The following PCMTD1 variants were observed in gnomAD, a reference collection of about 807,000 sequenced individuals.
PCMTD1 encodes the protein protein-L-isoaspartate O-methyltransferase domain-containing protein 1.
Under a neutral mutation model 37.6 loss-of-function variants are expected in PCMTD1, and 12 were observed. The observed-to-expected ratio is 0.32, with a 90% confidence interval of 0.20 to 0.52. PCMTD1 has a LOEUF of 0.52. Ranked by LOEUF, PCMTD1 falls within the 20% of genes least tolerant of loss-of-function variation. The pLI, the probability that PCMTD1 is intolerant of heterozygous loss-of-function variation, is 0.97. For missense variants in PCMTD1, 235 were observed against 421.3 expected, an observed-to-expected ratio of 0.56 and a Z score of 3.87; for synonymous variants, 117 against 135.8, an observed-to-expected ratio of 0.86 and a Z score of 0.96.
chr8:51,841,105 A>G (rs1585801345), intron 3 of PCMTD1, among the ~76,000 whole-genome samples: 1 of 152,286 alleles, frequency 6.6e-6, no homozygotes, highest in South Asian at 2.1e-4. Context: ...AAACAGAACT[A>G]AGTAAGAAGA....
chr8:51,899,049 C>T (rs1245045935), upstream of PCMTD1: 4 of 1,504,690 alleles, frequency 2.7e-6, no homozygotes, highest in Admixed American at 6.3e-5. Flanking sequence ...AGAGGCGGGG[C>T]CCGGACCCGC....
chr8:51,850,696 G>T (rs756909377), intron 2 of PCMTD1, among the ~76,000 whole-genome samples: 1 of 152,260 alleles, frequency 6.6e-6, no homozygotes, highest in South Asian at 2.1e-4. Flanking sequence ...CCACAAGGGG[G>T]AGTAGGTGGA....
upstream of PCMTD1, chr8:51,899,076 G>A (rs535779054): frequency 2.5e-4 from 376 of 1,499,068 alleles, 1 homozygote; most frequent in African/African-American, 4.8e-3. Flanking sequence ...AGCAGCCAGA[G>A]CCTCCCGGAC....
At chr8:51,890,982 T>C (rs904621824) in intron 1 of PCMTD1, among the ~76,000 whole-genome samples, 8 of 152,304 alleles carry the variant, frequency 5.3e-5, no homozygotes, top group African/African-American at 1.9e-4. Flanking sequence ...TTAAAAACCA[T>C]ACGAGCCTCA....
Position 51,854,902 on chromosome 8 carries a change from T to C in PCMTD1, c.307+5943A>G, listed in dbSNP as rs1345488803. ...TCAAAAAAAAAAAAAAGGCTAGGCG[T>C]GGTGGCTCACGCCTGTAATCCAAGC... On this transcript the variant is annotated intron_variant, in intron 2 of 5. Coordinates refer to ENST00000522514, the MANE Select transcript of PCMTD1 (RefSeq NM_052937.4). Among the ~76,000 whole-genome samples, 5 of 141,592 alleles carry C rather than the reference T, an allele frequency of 3.5e-5. No homozygotes were observed. In the East Asian group the frequency reaches 8.5e-4, roughly 24 times the overall value. The allele number at this position is 141,592 out of a possible 152,430, so 92.9% of individuals were successfully genotyped here. A position where few individuals can be genotyped will look rare whatever the true frequency, so the allele number is the denominator to read the frequency against.
intron 1 of PCMTD1, among the ~76,000 whole-genome samples, chr8:51,870,769 A>G (rs891743540): frequency 5.3e-5 from 8 of 152,202 alleles, no homozygotes; most frequent in African/African-American, 1.9e-4. Flanking sequence ...TAAACTTTTC[A>G]TTAACTTTTA....
intron 1 of PCMTD1, among the ~76,000 whole-genome samples, chr8:51,883,318 A>C (rs1304085681): frequency 1.3e-5 from 2 of 152,184 alleles, no homozygotes; most frequent in Non-Finnish European, 2.9e-5. Context: ...AGTAGCAAAG[A>C]CTGTAGTACA....
At chr8:51,861,947 C>T (rs2038476926) in intron 1 of PCMTD1, among the ~76,000 whole-genome samples, 1 of 152,072 alleles carries the variant, frequency 6.6e-6, no homozygotes, top group Non-Finnish European at 1.5e-5. Flanking sequence ...CTCCTGAGCT[C>T]AAGAGATCCA....
chr8:51,828,242 CATTACTTCCTTTT>C (rs1434432843), intron 5 of PCMTD1, among the ~76,000 whole-genome samples: 3 of 152,026 alleles, frequency 2.0e-5, no homozygotes, highest in African/African-American at 7.2e-5. Context: ...AAATTTTTTT[CATTACTTCCTTTT>C]ATTACTTCCC....
At chr8:51,878,302 G>A (rs924730246) in intron 1 of PCMTD1, among the ~76,000 whole-genome samples, 5 of 122,626 alleles carry the variant, frequency 4.1e-5, no homozygotes, top group African/African-American at 8.3e-5. Flanking sequence ...TGTATTTTAC[G>A]TGTGGCCCAT....
chr8:51,876,030 AATATAT>A (rs891531206), intron 1 of PCMTD1, among the ~76,000 whole-genome samples: 4 of 152,158 alleles, frequency 2.6e-5, no homozygotes, highest in Non-Finnish European at 5.9e-5. Flanking sequence ...TTACTGATGT[AATATAT>A]ATAAACTGTC....
chr8:51,837,675 C>A (rs891415696), intron 3 of PCMTD1, among the ~76,000 whole-genome samples: 5 of 152,134 alleles, frequency 3.3e-5, no homozygotes, highest in Non-Finnish European at 7.3e-5. Context: ...ATTAACTTTC[C>A]AATAAAGTAC....
At chr8:51,869,133 C>T (rs16916906) in intron 1 of PCMTD1, among the ~76,000 whole-genome samples, 17,886 of 152,116 alleles carry the variant, frequency 0.12, 1,296 homozygotes, top group East Asian at 0.17. Flanking sequence ...TTGATGTACA[C>T]TTGAGAAGCT....
At position 51,880,032 on chromosome 8, in the gene PCMTD1, A is replaced by T. The variant is rs944643448; in HGVS notation, c.-95-18786T>A. On this transcript the variant is annotated intron_variant, in intron 1 of 5. Transcript: ENST00000522514. ...ACCATCATCTCTAACCAAAAAAAAA[A>T]AGTTTAAAAAAAAAAATAGCCAGGC... 2.0e-5 allele frequency among the ~76,000 whole-genome samples: 3 copies of T among 152,068 alleles called. No homozygotes were observed. The South Asian group carries it at 6.2e-4, about 32-fold the overall frequency.
At position 51,817,735 on chromosome 8, in the gene PCMTD1, T is replaced by C; in HGVS notation, c.*2616A>G. The stretch of plus-strand genomic sequence containing the variant: ...TATGTATGCTATTTTAATAACATTT[T>C]TCTTTATTAATACTAGAACCAAATA... On this transcript the variant is annotated 3_prime_UTR_variant, in exon 6 of 6. Coordinates refer to ENST00000522514, the MANE Select transcript of PCMTD1 (RefSeq NM_052937.4). 1 of 392,766 alleles carries C rather than the reference T, an allele frequency of 2.5e-6. No homozygotes were observed. Among genetic ancestry groups the C allele is most frequent in the Non-Finnish European group, 5.0e-6 (1 of 200,264 alleles). The allele number at this position is 392,766 out of a possible 1,614,324, so 24.3% of individuals were successfully genotyped here.
At chr8:51,897,376 T>G (rs1210892506) in intron 1 of PCMTD1, among the ~76,000 whole-genome samples, 2 of 151,764 alleles carry the variant, frequency 1.3e-5, no homozygotes, top group East Asian at 3.9e-4. Flanking sequence ...TCCCTGTTGC[T>G]TTTTTTTTCT....
chr8:51,834,669 T>A (rs2038042719), intron 3 of PCMTD1, among the ~76,000 whole-genome samples: 1 of 152,180 alleles, frequency 6.6e-6, no homozygotes, highest in South Asian at 2.1e-4. Flanking sequence ...AACACTGATT[T>A]GAATCACAAT....
intron 1 of PCMTD1, among the ~76,000 whole-genome samples, chr8:51,865,570 A>T (rs2038542698): frequency 6.6e-6 from 1 of 152,128 alleles, no homozygotes; most frequent in South Asian, 2.1e-4. Flanking sequence ...AATGAGGACA[A>T]AAACCCTATG....
In PCMTD1 at chr8:51,818,513, T is replaced by C. The variant is rs2037795207; in HGVS notation, c.*1838A>G. 2.0e-5 allele frequency: 3 copies of C among 152,514 alleles called. No individual in the cohort carries two copies. The highest frequency in any genetic ancestry group is 2.9e-5 in the Non-Finnish European group (2 of 68,256). 9.4% of individuals were successfully genotyped at this position (152,514 alleles called of 1,614,324 possible). Reference sequence around the variant, plus strand: ...CCAGGAATTCAAGGTAACTAGGTACTTCAAAAGCCACATTTAATTCAAAAT... The same window carrying C: ...CCAGGAATTCAAGGTAACTAGGTACCTCAAAAGCCACATTTAATTCAAAAT... On this transcript the variant is annotated 3_prime_UTR_variant, in exon 6 of 6. Transcript: ENST00000522514.
Sources: gnomAD v4.1 joint callset for allele counts (sites outside exome capture counted in the v4.1 genomes callset) on GRCh38, gnomAD v4.1.1 for gene constraint, MANE v1.5 for transcripts, NCBI Gene and HGNC (gene_info 2026-07-23, HGNC 2026-07-21) for gene names.